The following HESX1 variants were observed in gnomAD, a reference collection of about 807,000 sequenced individuals.
The protein encoded by HESX1 is HESX homeobox 1.
Under a neutral mutation model 22.5 loss-of-function variants are expected in HESX1, and 11 were observed. The ratio of observed to expected loss-of-function variants is 0.49; its 90% CI spans 0.31 to 0.81. HESX1 has a LOEUF of 0.81. HESX1 is among the 30% of genes least tolerant of loss of function. The pLI, the probability that HESX1 is intolerant of heterozygous loss-of-function variation, is 0.05. For missense variants in HESX1, 201 were observed against 212.6 expected (o/e 0.95, Z 0.34); for synonymous variants, 74 against 76.5 (o/e 0.97, Z 0.17).
chr3:57,198,661 T>A, intron 2 of HESX1, 92 bp downstream of exon 2: 1 of 1,226,864 alleles, frequency 8.2e-7, no homozygotes, highest in East Asian at 2.3e-5. Context: ...ATAAGGCTTC[T>A]AAACTGAGAT....
chr3:57,222,368 C>G (rs2060620266), intron 1 of HESX1, among the ~76,000 whole-genome samples: 1 of 152,170 alleles, frequency 6.6e-6, no homozygotes, highest in African/African-American at 2.4e-5. Flanking sequence ...AAGCAATCCT[C>G]CCACCTCAGC....
intron 1 of HESX1, among the ~76,000 whole-genome samples, chr3:57,218,271 A>G (rs750178149): frequency 1.3e-5 from 2 of 151,634 alleles, no homozygotes; most frequent in Non-Finnish European, 2.9e-5. Flanking sequence ...CTCCACCCTC[A>G]AGCAGGCCCC....
chr3:57,204,994 T>A (rs2060511924), intron 1 of HESX1, among the ~76,000 whole-genome samples: 1 of 152,026 alleles, frequency 6.6e-6, no homozygotes, highest in South Asian at 2.1e-4. Flanking sequence ...AAAAGAATGG[T>A]TACAATAGCA....
At chr3:57,209,528 T>C (rs937361927) in intron 1 of HESX1, among the ~76,000 whole-genome samples, 3 of 151,876 alleles carry the variant, frequency 2.0e-5, no homozygotes, top group Non-Finnish European at 2.9e-5. Context: ...TACCATCTAC[T>C]TGGGAGGCTG....
chr3:57,211,293 C>T lies in HESX1; in HGVS notation c.-110-11265G>A, dbSNP rs1021550058. ...CTATAATCCAAGCACTTTGGGAAGC[C>T]AAGGTGGGAGAATTGCTTAAACCCA... On this transcript the variant is annotated intron_variant, in intron 1 of 2. Transcript: ENST00000495160. 5.3e-5 allele frequency among the ~76,000 whole-genome samples: 8 copies of T among 151,710 alleles called. No homozygotes were observed. In the South Asian group the frequency reaches 1.0e-3, roughly 20 times the overall value.
chr3:57,203,756 T>C (rs995658058), upstream of HESX1, among the ~76,000 whole-genome samples: 3 of 152,146 alleles, frequency 2.0e-5, no homozygotes, highest in Non-Finnish European at 2.9e-5. Flanking sequence ...GTTTTCACCA[T>C]GTTGGTCAGG....
chr3:57,200,871 A>G (rs1380843141), upstream of HESX1, among the ~76,000 whole-genome samples: 1 of 152,248 alleles, frequency 6.6e-6, no homozygotes, highest in Non-Finnish European at 1.5e-5. Flanking sequence ...GGTAAGGCTT[A>G]TGAAAATAAC....
intron 1 of HESX1, among the ~76,000 whole-genome samples, chr3:57,211,483 T>A (rs1442463476): frequency 8.0e-6 from 1 of 125,030 alleles, no homozygotes; most frequent in African/African-American, 3.1e-5. Flanking sequence ...TGAACTGTGA[T>A]CATGCCACTA....
chr3:57,201,404 C>T (rs577723715), upstream of HESX1, among the ~76,000 whole-genome samples: 2 of 152,050 alleles, frequency 1.3e-5, no homozygotes, highest in South Asian at 4.2e-4. Flanking sequence ...TCTGGGACGA[C>T]TAGGAGGAAG....
chr3:57,210,688 T>C lies in HESX1; in HGVS notation c.-110-10660A>G, dbSNP rs1173176487. Reference sequence around the variant, plus strand: ...TGAATTAAATGGATGGATGGACAGATGGGACTAGCAAGATGTGACATTTGA... The same window carrying C: ...TGAATTAAATGGATGGATGGACAGACGGGACTAGCAAGATGTGACATTTGA... On this transcript the variant is annotated intron_variant, in intron 1 of 2. Transcript: ENST00000495160. Among the ~76,000 whole-genome samples, 6 of 152,356 alleles carry C rather than the reference T, an allele frequency of 3.9e-5. No individual in the cohort carries two copies. The East Asian group carries it at 1.2e-3, about 29-fold the overall frequency.
At chr3:57,201,958 G>T (rs1039643375), upstream of HESX1, among the ~76,000 whole-genome samples, 1 of 148,386 alleles carries the variant, frequency 6.7e-6, no homozygotes, top group Non-Finnish European at 1.5e-5. Flanking sequence ...TTGCTCTGTC[G>T]CCCAGGCTGG....
chr3:57,219,493 G>A lies in HESX1; in HGVS notation c.-111+6803C>T, dbSNP rs538304192. Among the ~76,000 whole-genome samples, 17 of 151,832 alleles carry A rather than the reference G, an allele frequency of 1.1e-4. No homozygotes were observed. The East Asian group carries it at 1.9e-3, about 17-fold the overall frequency. On this transcript the variant is annotated intron_variant, in intron 1 of 2. Transcript: ENST00000495160. ...CGCCATTCTCCTGCCTCAGCCTCCC[G>A]AGTAGCTGGGACTACAGGTGCCCAC...
intron 1 of HESX1, among the ~76,000 whole-genome samples, chr3:57,217,622 G>A (rs2060589878): frequency 1.3e-5 from 2 of 152,040 alleles, no homozygotes; most frequent in South Asian, 2.1e-4. Flanking sequence ...CATGCTCCAC[G>A]TGAATGCTGT....
intron 1 of HESX1, among the ~76,000 whole-genome samples, chr3:57,210,273 CTG>C (rs1465080625): frequency 6.6e-6 from 1 of 152,066 alleles, no homozygotes; most frequent in African/African-American, 2.4e-5. Context: ...GAAGTAAAAA[CTG>C]AGAGGTTTAT....
intron 1 of HESX1, among the ~76,000 whole-genome samples, chr3:57,222,567 A>T: frequency 6.6e-6 from 1 of 152,046 alleles, no homozygotes; most frequent in East Asian, 1.9e-4. Flanking sequence ...CCTATGAGCA[A>T]TTTTTTCCCC....
upstream of HESX1, among the ~76,000 whole-genome samples, chr3:57,202,732 T>C (rs2060497278): frequency 1.3e-5 from 2 of 152,196 alleles, no homozygotes; most frequent in Admixed American, 1.3e-4. Context: ...TTTCATGGCA[T>C]GATAAATACA....
At chr3:57,220,171 G>A (rs188110648) in intron 1 of HESX1, among the ~76,000 whole-genome samples, 3 of 152,170 alleles carry the variant, frequency 2.0e-5, no homozygotes, top group Admixed American at 6.5e-5. Context: ...TTATTTCTGC[G>A]CTCTCTACTC....
chr3:57,213,588 T>C (rs1284495688), intron 1 of HESX1, among the ~76,000 whole-genome samples: 1 of 152,252 alleles, frequency 6.6e-6, no homozygotes, highest in Non-Finnish European at 1.5e-5. Flanking sequence ...CTGATAGTTA[T>C]TTATAACATT....
upstream of HESX1, among the ~76,000 whole-genome samples, chr3:57,201,869 CTA>C (rs199563857): frequency 2.1e-5 from 3 of 140,502 alleles, no homozygotes; most frequent in Non-Finnish European, 4.6e-5. Context: ...CTATATCTAT[CTA>C]TCTATATCTA....
Sources: gnomAD v4.1 joint callset for allele counts (sites outside exome capture counted in the v4.1 genomes callset) on GRCh38, gnomAD v4.1.1 for gene constraint, MANE v1.5 for transcripts, NCBI Gene and HGNC (gene_info 2026-07-23, HGNC 2026-07-21) for gene names.